The following UGT2A3 variants were observed in gnomAD, a reference collection of about 807,000 sequenced individuals.
UGT2A3 encodes the protein UDP glucuronosyltransferase family 2 member A3.
UGT2A3 carries 55 observed loss-of-function variants against 44.1 expected under a neutral mutation model. The observed-to-expected ratio is 1.25, with a 90% CI of 1.00 to 1.56. The LOEUF is 1.56. Among genes scored for constraint, UGT2A3 ranks in the 40% most tolerant of loss-of-function variants. UGT2A3 has a pLI of 0.00. For missense variants in UGT2A3, 733 were observed against 621.6 expected (o/e 1.18, Z -1.91); for synonymous variants, 243 against 215.1 (o/e 1.13, Z -1.13).
intron 2 of UGT2A3, among the ~76,000 whole-genome samples, chr4:68,936,168 A>G (rs1319224188): frequency 6.6e-6 from 1 of 152,148 alleles, no homozygotes; most frequent in African/African-American, 2.4e-5. Context: ...AACTTTCCCA[A>G]CCTAGCGAGG....
intron 1 of UGT2A3, among the ~76,000 whole-genome samples, chr4:68,947,743 CA>C (rs1024567685): frequency 6.6e-6 from 1 of 151,766 alleles, no homozygotes; most frequent in Non-Finnish European, 1.5e-5. Context: ...AGCAAGCAGG[CA>C]AACATTAATA....
rs1717696750 is a variant in UGT2A3 at position 68,930,608 on chromosome 4, G to C, written c.1242C>G (p.Asn414Lys). 3 of 1,613,438 alleles carry C rather than the reference G, an allele frequency of 1.9e-6. No homozygotes were observed. Among genetic ancestry groups the C allele is most frequent in the Non-Finnish European group, 1.7e-6 (2 of 1,179,620 alleles). Residue 414 changes from asparagine (N) to lysine (K), a missense_variant, in exon 5 of 6, where the codon AAC becomes AAG. Physicochemically the swap from Asn to Lys is moderately conservative, Grantham distance 94 (BLOSUM62 0). Coordinates refer to ENST00000251566, the MANE Select transcript of UGT2A3 (RefSeq NM_024743.4). ...MKAKGAAVEI[N>K]FKTMTSEDLL... is the part of the protein sequence containing the mutation. ...AATCTTCGCTTGTCATAGTTTTGAA[G>C]TTTATTTCTACAGCTGCTCCTTTGG...
rs1164796783 is a variant in UGT2A3 at position 68,930,240 on chromosome 4, A to T, written c.1305-148T>A. The stretch of plus-strand genomic sequence containing the variant: ...GGTTGTGACATGAATATTGTTGGTT[A>T]CATAGTATTAAACAGATATAGTGGA... On this transcript the variant is annotated intron_variant, in intron 5 of 5. Coordinates refer to ENST00000251566, the MANE Select transcript of UGT2A3 (RefSeq NM_024743.4). 4 of 978,854 alleles carry T rather than the reference A, an allele frequency of 4.1e-6. No homozygotes were observed. The Admixed American group carries it at 1.1e-4, about 27-fold the overall frequency. The allele number at this position is 978,854 out of a possible 1,614,324, so 60.6% of individuals were successfully genotyped here. A position where few individuals can be genotyped will look rare whatever the true frequency, so the allele number is the denominator to read the frequency against.
At chr4:68,948,884 G>T (rs1348531384) in intron 1 of UGT2A3, among the ~76,000 whole-genome samples, 2 of 151,752 alleles carry the variant, frequency 1.3e-5, no homozygotes, top group South Asian at 4.1e-4. Context: ...ATTCTTCATG[G>T]TATACAAGAG....
chr4:68,942,560 T>C (rs1456292779), intron 2 of UGT2A3, among the ~76,000 whole-genome samples: 1 of 146,206 alleles, frequency 6.8e-6, no homozygotes. Context: ...TGTTTATATA[T>C]ATCCATTTCA....
chr4:68,944,126 C>A (rs1299620406), intron 2 of UGT2A3, among the ~76,000 whole-genome samples: 1 of 151,802 alleles, frequency 6.6e-6, no homozygotes, highest in African/African-American at 2.4e-5. Flanking sequence ...GGTTAAGTTT[C>A]TCCCATGTTT....
chr4:68,942,504 G>GAGATATATAT (rs1553902064), intron 2 of UGT2A3, among the ~76,000 whole-genome samples: 2 of 131,026 alleles, frequency 1.5e-5, no homozygotes, highest in Admixed American at 8.5e-5. Context: ...TTCCACTGGA[G>GAGATATATAT]ATATATATAT....
At chr4:68,950,898 A>G in intron 1 of UGT2A3, 148 bp downstream of exon 1, 4 of 559,404 alleles carry the variant, frequency 7.2e-6, no homozygotes, top group African/African-American at 5.7e-5. Context: ...TTACGCTTAG[A>G]ACAAATACAC....
At chr4:68,947,565 T>C (rs1400922647) in intron 1 of UGT2A3, among the ~76,000 whole-genome samples, 2 of 151,836 alleles carry the variant, frequency 1.3e-5, no homozygotes, top group Admixed American at 6.6e-5. Flanking sequence ...CTTCCTCTCA[T>C]GAACCATGAA....
rs1025499332 is a variant in UGT2A3, at chr4:68,948,085, C to A, written c.716-2631G>T. Among the ~76,000 whole-genome samples, 6 of 151,832 alleles carry A rather than the reference C, an allele frequency of 4.0e-5. No homozygotes were observed. The East Asian group carries it at 1.2e-3, about 30-fold the overall frequency. ...TAGCTTCAAAGACAAGCATTGACTT[C>A]TCTTCTCTAGCTATGAAAGTTTTAA... On this transcript the variant is annotated intron_variant, in intron 1 of 5. Coordinates refer to ENST00000251566, the MANE Select transcript of UGT2A3 (RefSeq NM_024743.4).
chr4:68,931,359 G>C (rs372401351), intron 3 of UGT2A3, 117 bp from the exon 4 acceptor site: 4 of 736,046 alleles, frequency 5.4e-6, no homozygotes, highest in Middle Eastern at 3.2e-4. Flanking sequence ...TTGAGACAGG[G>C]GTGTGTAGAG....
chr4:68,938,142 T>C (rs997561342), intron 2 of UGT2A3, among the ~76,000 whole-genome samples: 5 of 152,120 alleles, frequency 3.3e-5, no homozygotes, highest in Non-Finnish European at 7.3e-5. Context: ...TAGGAGCTGG[T>C]ACCATTCCTT....
At position 68,930,760 on chromosome 4, in the gene UGT2A3, G is replaced by T. The variant is rs1338388437; in HGVS notation, c.1090C>A (p.Pro364Thr). 1 of 1,591,006 alleles carries T rather than the reference G, an allele frequency of 6.3e-7. No individual in the cohort carries two copies. The highest frequency in any genetic ancestry group is 8.5e-7 in the Non-Finnish European group (1 of 1,171,632). ...TGAGTGATAAAAGCTTTGGTTTTGG[G>T]ATGACCTAGTATGTAAATTGGATGA... ...WIPQNDLLGH[P>T]KTKAFITHGG... The change falls in exon 5 of 6, where the codon CCC (proline) becomes ACC (threonine). Residue 364 changes from proline (P) to threonine (T), a missense_variant. By Grantham distance (38) the Pro-to-Thr change is conservative. Transcript: ENST00000251566.
intron 2 of UGT2A3, 144 bp from the exon 3 acceptor site, chr4:68,932,903 T>C (rs1348932868): frequency 1.3e-6 from 1 of 798,122 alleles, no homozygotes; most frequent in African/African-American, 1.8e-5. Flanking sequence ...CACAGAACTA[T>C]CTAGTCTCTT....
intron 4 of UGT2A3, 142 bp from the exon 5 acceptor site, chr4:68,930,907 C>T (rs1717711083): frequency 5.1e-6 from 4 of 788,882 alleles, no homozygotes; most frequent in Non-Finnish European, 5.9e-6. Flanking sequence ...TGGAGCATTG[C>T]TACTAAAGAT....
intron 2 of UGT2A3, among the ~76,000 whole-genome samples, chr4:68,934,544 C>T (rs1426075006): frequency 6.6e-6 from 1 of 151,830 alleles, no homozygotes; most frequent in Non-Finnish European, 1.5e-5. Flanking sequence ...ATGAAACAAA[C>T]CAGAAAAGAC....
At chr4:68,930,969 C>T (rs551697034) in intron 4 of UGT2A3, among the ~76,000 whole-genome samples, 186 bp downstream of exon 4, 1 of 151,230 alleles carries the variant, frequency 6.6e-6, no homozygotes, top group Admixed American at 6.6e-5. Flanking sequence ...TTTCCTGTCA[C>T]TCTCACCTTA....
intron 2 of UGT2A3, 31 bp from the exon 3 acceptor site, chr4:68,932,790 G>T (rs758130300): frequency 1.3e-6 from 2 of 1,570,256 alleles, no homozygotes; most frequent in Admixed American, 4.0e-5. Context: ...GCATTACAGA[G>T]GCATAATATA....
intron 2 of UGT2A3, chr4:68,943,258 G>A: frequency 9.1e-7 from 1 of 1,103,884 alleles, no homozygotes; most frequent in Non-Finnish European, 1.2e-6. Flanking sequence ...TGGGAATAAA[G>A]GGTAGAATGG....
Sources: allele counts gnomAD v4.1 joint callset (sites outside exome capture counted in the v4.1 genomes callset), GRCh38; gene constraint gnomAD v4.1.1; transcripts MANE v1.5; gene names NCBI Gene and HGNC (gene_info 2026-07-23, HGNC 2026-07-21).